Variants in ACOX2 observed in about 807,000 individuals in gnomAD.
ACOX2 encodes the protein peroxisomal acyl-coenzyme A oxidase 2.
Under a neutral mutation model 77.5 loss-of-function variants are expected in ACOX2, and 59 were observed. That is an observed-to-expected ratio of 0.76 (90% confidence interval 0.62 to 0.95). The LOEUF is 0.95. Ranked by LOEUF, ACOX2 falls within the 40% of genes least tolerant of loss-of-function variation. The pLI, the probability that ACOX2 is intolerant of heterozygous loss-of-function variation, is 0.00. For synonymous variants in ACOX2, 317 were observed against 340.1 expected (o/e 0.93, Z 0.75); for missense variants, 837 against 880.4 (o/e 0.95, Z 0.62).
Position 58,509,906 on chromosome 3 carries a change from G to A in ACOX2, c.1851-881C>T, listed in dbSNP as rs116305415. 1.6e-3 allele frequency among the ~76,000 whole-genome samples: 247 copies of A among 152,020 alleles called. 1 individual carries two copies. The highest frequency in any genetic ancestry group is 9.6e-3 in the South Asian group (46 of 4,810). On this transcript the variant is annotated intron_variant, in intron 13 of 14. Transcript: ENST00000302819. ...CAAGCATGAGCCACCATGCCCGGCT[G>A]GCAATTTCAATCTTTTAGTTGATAT...
chr3:58,532,112 A>T (rs1029453853), intron 5 of ACOX2, among the ~76,000 whole-genome samples: 1 of 152,202 alleles, frequency 6.6e-6, no homozygotes, highest in Non-Finnish European at 1.5e-5. Context: ...AGGTGGCGCT[A>T]GACCCTGTGA....
chr3:58,517,524 T>G, intron 12 of ACOX2, 101 bp from the exon 13 acceptor site: 3 of 1,133,940 alleles, frequency 2.6e-6, no homozygotes, highest in Non-Finnish European at 3.8e-6. Context: ...TGAGGCATGA[T>G]GTGCTTCCCA....
chr3:58,517,208 G>T lies in ACOX2; in HGVS notation c.1848C>A (p.Ile616=), dbSNP rs1017725990. 2 of 1,613,628 alleles carry T rather than the reference G, an allele frequency of 1.2e-6. No homozygotes were observed. Among genetic ancestry groups the T allele is most frequent in the African/African-American group, 1.3e-5 (1 of 74,906 alleles). ...GGTTTGAAGTCTCTGCCACTCACCG[G>T]ATCAGGCGGAGCAGGTCCAGGTAGG... is the stretch of plus-strand genomic sequence containing the variant. ...RTAYLDLLRL[I]RKDAILLTDA... The change falls in exon 13 of 15, where the codon ATC becomes ATA. Residue 616 remains isoleucine, a splice_region_variant and synonymous_variant. Transcript: ENST00000302819.
At chr3:58,510,667 TA>T (rs2063275934) in intron 13 of ACOX2, among the ~76,000 whole-genome samples, 1 of 12,768 alleles carries the variant, frequency 7.8e-5, no homozygotes, top group East Asian at 2.0e-3. Context: ...AAAAAAAATA[TA>T]TATATATATA....
In ACOX2 at chr3:58,510,209, A is replaced by C. The variant is rs902308553; in HGVS notation, c.1851-1184T>G. Among the ~76,000 whole-genome samples, 6 of 152,186 alleles carry C rather than the reference A, an allele frequency of 3.9e-5. No individual in the cohort carries two copies. The East Asian group carries it at 1.2e-3, about 29-fold the overall frequency. ...GGTGGTAACTGGGATACTGTATCCA[A>C]TGTAATCGTTTCTTGATGATCCCCA... On this transcript the variant is annotated intron_variant, in intron 13 of 14. Transcript: ENST00000302819.
intron 13 of ACOX2, chr3:58,511,327 A>G (rs2063286163): frequency 2.7e-6 from 1 of 371,472 alleles, no homozygotes; most frequent in Non-Finnish European, 5.3e-6. Flanking sequence ...AGTTCATGAA[A>G]AAGTGGGAAA....
At position 58,508,996 on chromosome 3, in the gene ACOX2, A is replaced by G. The variant is rs763344658; in HGVS notation, c.1880T>C (p.Phe627Ser). The G allele has an allele frequency of 1.2e-6, 2 of 1,614,210 alleles. No individual in the cohort carries two copies. Among genetic ancestry groups the G allele is most frequent in the Non-Finnish European group, 1.7e-6 (2 of 1,180,024 alleles). Residue 627 changes from phenylalanine (F) to serine (S), a missense_variant, in exon 14 of 15, where the codon TTT (phenylalanine) becomes TCT (serine). Transcript: ENST00000302819. ...RKDAILLTDA[F>S]DFTDQCLNSA... ...ATTTAAACACTGATCGGTGAAGTCA[A>G]AAGCATCAGTTAACAGGATGGCATC...
At position 58,524,596 on chromosome 3, in the gene ACOX2, C is replaced by T. The variant is rs779373452; in HGVS notation, c.1356G>A (p.Val452=). The change falls in exon 11 of 15, where the codon GTG becomes GTA. Residue 452 remains valine (V), a synonymous_variant. Coordinates refer to ENST00000302819, the MANE Select transcript of ACOX2 (RefSeq NM_003500.4). This position sits in a 1 kb window ranked among gnomAD's most constrained non-coding sequence, Gnocchi z 5.5. The part of the protein sequence containing the change: ...VLYLQVARFL[V]KSYLQTQMSP... ...ACATCTGAGTCTGCAGGTAGCTCTT[C>T]ACCAGGAACCTGGGGGTTGGAAGAG... The T allele has an allele frequency of 5.0e-6, 8 of 1,613,834 alleles. No individual in the cohort carries two copies. Among genetic ancestry groups the T allele is most frequent in the Non-Finnish European group, 6.8e-6 (8 of 1,180,026 alleles).
At chr3:58,510,646 AAAAAAAAAAAAAAAAAAATATAT>A (rs2063272250) in intron 13 of ACOX2, among the ~76,000 whole-genome samples, 1 of 35,310 alleles carries the variant, frequency 2.8e-5, no homozygotes, top group African/African-American at 1.3e-4. Flanking sequence ...AAAAAAAAAA[AAAAAAAAAAAAAAAAAAATATAT>A]ATATATATAT....
In ACOX2 at chr3:58,517,246, T is replaced by C. The variant is rs1164114888; in HGVS notation, c.1810A>G (p.Met604Val). ...DAFLSGAQVD[M>V]ARTAYLDLLR... The stretch of plus-strand genomic sequence containing the variant: ...AGGTCCAGGTAGGCTGTTCTTGCCA[T>C]GTCCACTTGGGCACCAGACAGGAAG... The change falls in exon 13 of 15, where the codon ATG (methionine) becomes GTG (valine). Residue 604 changes from methionine (M) to valine (V), a missense_variant. Met to Val is a conservative substitution (Grantham distance 21). Transcript: ENST00000302819. 1 of 1,614,166 alleles carries C rather than the reference T, an allele frequency of 6.2e-7. No individual in the cohort carries two copies. The highest frequency in any genetic ancestry group is 1.1e-5 in the South Asian group (1 of 91,074).
chr3:58,530,249 C>A (rs73838032), intron 8 of ACOX2, among the ~76,000 whole-genome samples: 2 of 152,202 alleles, frequency 1.3e-5, no homozygotes, highest in African/African-American at 2.4e-5. Context: ...CAGGTTAGGC[C>A]GGCTGGTCAG....
intron 12 of ACOX2, 104 bp from the exon 13 acceptor site, chr3:58,517,527 G>T: frequency 1.8e-6 from 2 of 1,104,240 alleles, no homozygotes; most frequent in Non-Finnish European, 2.6e-6. Context: ...GGCATGATGT[G>T]CTTCCCAGCA....
At position 58,510,375 on chromosome 3, in the gene ACOX2, G is replaced by T. The variant is rs141158826; in HGVS notation, c.1851-1350C>A. ...AGGCCGGGCGCGATGGCTCACACCT[G>T]TAATCCCAGCAATTTGGGAGACCGA... On this transcript the variant is annotated intron_variant, in intron 13 of 14. Coordinates refer to ENST00000302819, the MANE Select transcript of ACOX2 (RefSeq NM_003500.4). 1.8e-3 allele frequency among the ~76,000 whole-genome samples: 268 copies of T among 151,822 alleles called. 1 individual carries two copies. Among genetic ancestry groups the T allele is most frequent in the African/African-American group, 6.2e-3 (255 of 41,394 alleles).
chr3:58,531,210 C>G lies in ACOX2; in HGVS notation c.819+41G>C. ...AGCCTGCACAAAGCGCAGGTCCCCT[C>G]TCCAGGAAGTACAAGTCCCCGGCCT... On this transcript the variant is annotated intron_variant, in intron 7 of 14. Coordinates refer to ENST00000302819, the MANE Select transcript of ACOX2 (RefSeq NM_003500.4). The surrounding 1 kb of genome is among the most constrained non-coding windows in gnomAD (Gnocchi z 5.8). The G allele has an allele frequency of 6.3e-7, 1 of 1,582,860 alleles. No homozygotes were observed. The highest frequency in any genetic ancestry group is 8.6e-7 in the Non-Finnish European group (1 of 1,156,862).
Position 58,512,053 on chromosome 3 carries a change from T to G in ACOX2, c.1851-3028A>C, listed in dbSNP as rs1052543245. On this transcript the variant is annotated intron_variant, in intron 13 of 14. Transcript: ENST00000302819. The surrounding 1 kb of genome is among the most constrained non-coding windows in gnomAD (Gnocchi z 4.8). ...CGCCAATGACTTCCAAACTTATCCC[T>G]CCAGTGTCCCCTGCTTACCAACATC... Among the ~76,000 whole-genome samples the G allele has an allele frequency of 2.0e-5, 3 of 152,176 alleles. No homozygotes were observed. The highest frequency in any genetic ancestry group is 2.0e-4 in the Admixed American group (3 of 15,274).
chr3:58,532,510 C>A lies in ACOX2; in HGVS notation c.584-698G>T, dbSNP rs574079021. 6.9e-4 allele frequency among the ~76,000 whole-genome samples: 105 copies of A among 152,166 alleles called. No homozygotes were observed. The South Asian group carries it at 0.014, about 20-fold the overall frequency. On this transcript the variant is annotated intron_variant, in intron 5 of 14. Coordinates refer to ENST00000302819, the MANE Select transcript of ACOX2 (RefSeq NM_003500.4). ...AAGCAATTCTCCTGTCTCAGCCTCC[C>A]GAGTAGGTGGGACTACAGATGCCCG...
chr3:58,513,689 C>T (rs1474826055), intron 13 of ACOX2, among the ~76,000 whole-genome samples: 1 of 151,484 alleles, frequency 6.6e-6, no homozygotes, highest in East Asian at 1.9e-4. Context: ...CTCTGAATTG[C>T]CTTGTTCTTG....
chr3:58,532,851 T>G (rs1452057731), intron 5 of ACOX2, among the ~76,000 whole-genome samples: 2 of 152,174 alleles, frequency 1.3e-5, no homozygotes, highest in African/African-American at 4.8e-5. Flanking sequence ...GGAGGTGAAA[T>G]TCTCAAGTTT....
Position 58,528,993 on chromosome 3 carries a change from C to T in ACOX2, c.993-37G>A. On this transcript the variant is annotated intron_variant, in intron 8 of 14. Coordinates refer to ENST00000302819, the MANE Select transcript of ACOX2 (RefSeq NM_003500.4). The surrounding 1 kb of genome is among the most constrained non-coding windows in gnomAD (Gnocchi z 5.6). ...AGAACCAGAAGATTTAGATCACTAC[C>T]TGTTGTGTCCACCTTCCCCTATCCC... is the stretch of plus-strand genomic sequence containing the variant. The T allele has an allele frequency of 6.5e-7, 1 of 1,547,022 alleles. No individual in the cohort carries two copies. The highest frequency in any genetic ancestry group is 8.7e-7 in the Non-Finnish European group (1 of 1,144,254).
Sources: allele counts gnomAD v4.1 joint callset (sites outside exome capture counted in the v4.1 genomes callset), GRCh38; gene constraint gnomAD v4.1.1; non-coding constraint Gnocchi (gnomAD v3.1); transcripts MANE v1.5; gene names NCBI Gene and HGNC (gene_info 2026-07-23, HGNC 2026-07-21).